RGN: variants seen among roughly 807,000 people sequenced by gnomAD.
The protein encoded by RGN is epididymis secretory protein Li 41.
Under a neutral mutation model 20.6 loss-of-function variants are expected in RGN, and 19 were observed. The ratio of observed to expected loss-of-function variants is 0.92; its 90% CI spans 0.64 to 1.35. The LOEUF (loss-of-function observed/expected upper bound fraction) is 1.35, where lower values mean the gene tolerates loss of function less well. RGN is among the 40% of genes most tolerant of loss of function. The pLI, the probability that RGN is intolerant of heterozygous loss-of-function variation, is 0.00. For synonymous variants in RGN, 85 were observed against 87.2 expected, an observed-to-expected ratio of 0.97 and a Z score of 0.14; for missense variants, 302 against 232.7, an observed-to-expected ratio of 1.30 and a Z score of -1.94.
At position 47,089,771 on chromosome X, in the gene RGN, T is replaced by C. The variant is rs1034189050; in HGVS notation, c.347-5T>C. The stretch of plus-strand genomic sequence containing the variant: ...GCAGAGCTCAGTGCTCTTTGGTTTT[T>C]GTAGGCACCATGGCTGAGGAAACAG... On this transcript the variant is annotated splice_polypyrimidine_tract_variant and splice_region_variant and intron_variant, in intron 4 of 7. Transcript: ENST00000397180. The C allele has an allele frequency of 1.1e-5, 13 of 1,200,458 alleles. No homozygotes were observed. Among genetic ancestry groups the C allele is most frequent in the Non-Finnish European group, 1.5e-5 (13 of 889,989 alleles).
chrX:47,092,107 A>G lies in RGN; in HGVS notation c.741A>G (p.Ser247=), dbSNP rs782274728. The G allele has an allele frequency of 9.9e-6, 12 of 1,208,482 alleles. No homozygotes were observed. Among genetic ancestry groups the G allele is most frequent in the Admixed American group, 2.2e-5 (1 of 45,954 alleles). The stretch of plus-strand genomic sequence containing the variant: ...AGTTGCCTGTTGATAAAACAACTTC[A>G]TGCTGCTTTGGAGGGAAGAATTACT... ...TVKLPVDKTT[S]CCFGGKNYSE... The change falls in exon 7 of 8, where the codon TCA becomes TCG. Residue 247 remains serine, a synonymous_variant. Coordinates refer to ENST00000397180, the MANE Select transcript of RGN (RefSeq NM_152869.4).
Position 47,081,304 on chromosome X carries a change from A to T in RGN, c.160A>T (p.Met54Leu). 1 of 1,209,430 alleles carries T rather than the reference A, an allele frequency of 8.3e-7. No individual in the cohort carries two copies. Among genetic ancestry groups the T allele is most frequent in the South Asian group, 1.8e-5 (1 of 56,800 alleles). ...CACCAAGCAAGTACAGCGAGTGACCATGGGTAAGGATGAAGGCTGGACTCA... is the reference window on the plus strand; with the variant it reads ...CACCAAGCAAGTACAGCGAGTGACCTTGGGTAAGGATGAAGGCTGGACTCA... ...SFTKQVQRVT[M>L]DAPVSSVALR... The change falls in exon 3 of 8, where the codon ATG (methionine) becomes TTG (leucine). Residue 54 changes from methionine (M) to leucine (L), a missense_variant. Physicochemically the swap from Met to Leu is conservative, Grantham distance 15. Transcript: ENST00000397180.
chrX:47,088,392 C>A (rs1556385140), intron 4 of RGN, among the ~76,000 whole-genome samples: 2 of 110,084 alleles, frequency 1.8e-5, no homozygotes. Context: ...TGAAATAAAC[C>A]CAACTGCCCT....
At chrX:47,084,261 G>A (rs1479403711) in intron 3 of RGN, among the ~76,000 whole-genome samples, 157 bp from the exon 4 acceptor site, 2 of 111,611 alleles carry the variant, frequency 1.8e-5, no homozygotes, top group African/African-American at 6.5e-5. Context: ...AAATGTACTA[G>A]GTTACATAGC....
intron 1 of RGN, among the ~76,000 whole-genome samples, chrX:47,079,476 G>T (rs1418248527): frequency 9.4e-6 from 1 of 106,831 alleles, no homozygotes; most frequent in African/African-American, 3.4e-5. Flanking sequence ...TGTCGCTCAG[G>T]CTAGAATGCA....
At chrX:47,091,537 C>T (rs1428269970) in intron 5 of RGN, 141 bp from the exon 6 acceptor site, 3 of 613,895 alleles carry the variant, frequency 4.9e-6, no homozygotes, top group Non-Finnish European at 7.1e-6. Flanking sequence ...GGTAAAAATC[C>T]TTTGTTCACA....
At chrX:47,079,416 G>GTTTTGTTT (rs1449596900) in intron 1 of RGN, among the ~76,000 whole-genome samples, 1 of 102,353 alleles carries the variant, frequency 9.8e-6, no homozygotes, top group African/African-American at 3.6e-5. Context: ...GTTTTGTTTT[G>GTTTTGTTT]TTTTGTTTTT....
intron 1 of RGN, among the ~76,000 whole-genome samples, chrX:47,079,580 G>A (rs1930207016): frequency 9.3e-6 from 1 of 107,696 alleles, no homozygotes; most frequent in Non-Finnish European, 1.9e-5. Context: ...ACAGGCACCC[G>A]CCACTGTGCC....
chrX:47,089,852 C>G lies in RGN; in HGVS notation c.423C>G (p.His141Gln). The change falls in exon 5 of 8, where the codon CAC becomes CAG. Residue 141 changes from histidine to glutamine, a missense_variant. Physicochemically the swap from His to Gln is conservative, Grantham distance 24 (BLOSUM62 0). Transcript: ENST00000397180. The part of the protein sequence containing the change: ...QGALYSLFPD[H>Q]HVKKYFDQVD... Reference sequence around the variant, plus strand: ...CCCTGTACTCCCTCTTTCCTGATCACCACGTGAAAAAGTACTTTGACCAGG... The same window carrying G: ...CCCTGTACTCCCTCTTTCCTGATCAGCACGTGAAAAAGTACTTTGACCAGG... 8.3e-7 allele frequency: 1 copy of G among 1,209,023 alleles called. No individual in the cohort carries two copies.
At chrX:47,084,881 G>A in intron 4 of RGN, 1 of 262,974 alleles carries the variant, frequency 3.8e-6, no homozygotes, top group Non-Finnish European at 6.7e-6. Flanking sequence ...TCTGAGCCCA[G>A]GAGTTTGAGG....
At chrX:47,086,780 A>AGAGAGG (rs1217757247) in intron 4 of RGN, among the ~76,000 whole-genome samples, 109 of 100,154 alleles carry the variant, frequency 1.1e-3, no homozygotes, top group African/African-American at 4.2e-3. Context: ...AGAGAGAGAG[A>AGAGAGG]GAGAAAGAGA....
chrX:47,081,437 C>T, intron 3 of RGN, 130 bp downstream of exon 3: 1 of 506,003 alleles, frequency 2.0e-6, no homozygotes, highest in East Asian at 3.7e-5. Context: ...TCCATATCCT[C>T]CCACTTTGAC....
At chrX:47,079,440 T>G (rs1313134555) in intron 1 of RGN, among the ~76,000 whole-genome samples, 3 of 107,784 alleles carry the variant, frequency 2.8e-5, no homozygotes, top group African/African-American at 1.0e-4. Context: ...TTTTTTTGGT[T>G]TTTTTTTTGA....
At chrX:47,088,176 T>C (rs1484888576) in intron 4 of RGN, among the ~76,000 whole-genome samples, 1 of 106,769 alleles carries the variant, frequency 9.4e-6, no homozygotes, top group African/African-American at 3.4e-5. Context: ...GGTTATCTTA[T>C]AGTCTAGATG....
intron 4 of RGN, 198 bp downstream of exon 4, chrX:47,084,798 A>G: frequency 2.7e-6 from 1 of 373,696 alleles, no homozygotes; most frequent in Non-Finnish European, 4.6e-6. Context: ...TACCAAAAAT[A>G]CAAAAAATTA....
At chrX:47,087,888 C>CTT (rs1930668428) in intron 4 of RGN, among the ~76,000 whole-genome samples, 1 of 97,497 alleles carries the variant, frequency 1.0e-5, no homozygotes, top group African/African-American at 3.7e-5. Context: ...ATTATATAAG[C>CTT]ATATATAATA....
chrX:47,081,042 G>A, intron 2 of RGN, 88 bp from the exon 3 acceptor site: 3 of 633,658 alleles, frequency 4.7e-6, no homozygotes. Context: ...TGGGGGAAGT[G>A]TATCCAGCCT....
At chrX:47,083,120 C>T (rs1380398431) in intron 3 of RGN, among the ~76,000 whole-genome samples, 3 of 111,550 alleles carry the variant, frequency 2.7e-5, no homozygotes, top group Non-Finnish European at 5.6e-5. Context: ...CTTTCTTGGC[C>T]GGGTGCAGTA....
chrX:47,091,731 A>T lies in RGN; in HGVS notation c.616A>T (p.Met206Leu). 2.5e-6 allele frequency: 3 copies of T among 1,208,807 alleles called. No individual in the cohort carries two copies. The highest frequency in any genetic ancestry group is 3.4e-6 in the Non-Finnish European group (3 of 893,132). Residue 206 changes from methionine (M) to leucine (L), a missense_variant, in exon 6 of 8, where the codon ATG becomes TTG. Physicochemically the swap from Met to Leu is conservative, Grantham distance 15. Coordinates refer to ENST00000397180, the MANE Select transcript of RGN (RefSeq NM_152869.4). The stretch of plus-strand genomic sequence containing the variant: ...AAAGGAAGAACAAATCCCAGATGGA[A>T]TGTGTATTGATGCTGAGGGGAAGCT... ...LEKEEQIPDG[M>L]CIDAEGKLWV...
Sources: allele counts gnomAD v4.1 joint callset (sites outside exome capture counted in the v4.1 genomes callset), GRCh38; gene constraint gnomAD v4.1.1; transcripts MANE v1.5; gene names NCBI Gene and HGNC (gene_info 2026-07-23, HGNC 2026-07-21).